Variants in YJU2B observed in about 807,000 individuals in gnomAD.
The protein encoded by YJU2B is probable splicing factor YJU2B.
In YJU2B, 18 loss-of-function variants were observed where a neutral mutation model predicts 38.0. The observed-to-expected ratio is 0.47, with a 90% CI of 0.33 to 0.70. YJU2B has a LOEUF of 0.70. Ranked by LOEUF, YJU2B falls within the 30% of genes least tolerant of loss-of-function variation. The pLI, the probability that YJU2B is intolerant of heterozygous loss-of-function variation, is 0.02. For missense variants in YJU2B, 538 were observed against 556.3 expected (o/e 0.97, Z 0.33); for synonymous variants, 246 against 225.4 (o/e 1.09, Z -0.82).
At chr19:13,756,828 T>C (rs1390238551) in intron 4 of YJU2B, among the ~76,000 whole-genome samples, 3 of 151,620 alleles carry the variant, frequency 2.0e-5, no homozygotes, top group African/African-American at 4.8e-5. Context: ...TAGAAAAAAT[T>C]AGGCTGGGTG....
intron 2 of YJU2B, among the ~76,000 whole-genome samples, chr19:13,742,694 T>C (rs1973126362): frequency 2.0e-5 from 3 of 152,194 alleles, no homozygotes; most frequent in Admixed American, 6.6e-5. Context: ...ACTTGCCCTG[T>C]GCATTAAGTA....
chr19:13,737,026 C>CAAAAAAAA (rs61619895), intron 2 of YJU2B, among the ~76,000 whole-genome samples: 2 of 118,000 alleles, frequency 1.7e-5, no homozygotes, highest in Non-Finnish European at 3.5e-5. Flanking sequence ...GACTCATTCT[C>CAAAAAAAA]AAAAAAAAAA....
rs781031617 is a variant in YJU2B at position 13,758,958 on chromosome 19, G to A, written c.348G>A (p.Gln116=). ...ACTACGTGATCGTGAGTGGCGCCCA[G>A]CGCAAGGAGGAGCGCTGGGACATGG... ...NCDYVIVSGA[Q]RKEERWDMAD... is the part of the protein sequence containing the mutation. The change falls in exon 7 of 10, where the codon CAG becomes CAA. Residue 116 remains glutamine (Q), a synonymous_variant. Transcript: ENST00000221554. 1 of 1,614,046 alleles carries A rather than the reference G, an allele frequency of 6.2e-7. No individual in the cohort carries two copies.
intron 2 of YJU2B, chr19:13,732,357 G>C (rs1158903520): frequency 6.6e-6 from 1 of 151,998 alleles, no homozygotes; most frequent in African/African-American, 2.4e-5. Context: ...TGGGGAGAAG[G>C]AATGAAGGCA....
chr19:13,759,893 G>A (rs1848478262), intron 8 of YJU2B, among the ~76,000 whole-genome samples: 1 of 151,154 alleles, frequency 6.6e-6, no homozygotes, highest in South Asian at 2.1e-4. Context: ...TGCCTCCCGG[G>A]TTCAAGTGAT....
intron 2 of YJU2B, among the ~76,000 whole-genome samples, chr19:13,740,662 G>C (rs573627506): frequency 6.6e-6 from 1 of 152,010 alleles, no homozygotes; most frequent in African/African-American, 2.4e-5. Flanking sequence ...TCAGCCTCCC[G>C]AATAGCTGGG....
At chr19:13,751,149 G>A (rs932105892) in intron 1 of YJU2B, among the ~76,000 whole-genome samples, 9 of 152,150 alleles carry the variant, frequency 5.9e-5, no homozygotes, top group African/African-American at 1.9e-4. Flanking sequence ...TGGGCATGGT[G>A]GCTCACACCT....
Position 13,761,810 on chromosome 19 carries a change from A to ACCTCCC in YJU2B, c.574-487_574-482dup, listed in dbSNP as rs1973900173. ...ACGATCTCAGCCCACCGCAACCTCC[A>ACCTCCC]CCTCCCCGGTTGAAGTGATTTTCAT... is the stretch of plus-strand genomic sequence containing the variant. On this transcript the variant is annotated intron_variant, in intron 8 of 9. Coordinates refer to ENST00000221554, the MANE Select transcript of YJU2B (RefSeq NM_030818.4). 6.1e-5 allele frequency among the ~76,000 whole-genome samples: 9 copies of ACCTCCC among 146,590 alleles called. No individual in the cohort carries two copies. In the South Asian group the frequency reaches 1.7e-3, roughly 28 times the overall value.
chr19:13,758,094 C>T (rs755808451), intron 6 of YJU2B, among the ~76,000 whole-genome samples: 14 of 152,186 alleles, frequency 9.2e-5, no homozygotes, highest in Non-Finnish European at 1.8e-4. Context: ...TCACCCTAAC[C>T]TCCTCCTGCT....
rs1304991350 is a variant in YJU2B at position 13,752,743 on chromosome 19, T to C, written c.3+932T>C. Among the ~76,000 whole-genome samples, 3 of 150,978 alleles carry C rather than the reference T, an allele frequency of 2.0e-5. No homozygotes were observed. In the East Asian group the frequency reaches 5.8e-4, roughly 29 times the overall value. On this transcript the variant is annotated intron_variant, in intron 2 of 9. Transcript: ENST00000221554. The stretch of plus-strand genomic sequence containing the variant: ...TGGGCAACGAAAGCGAAACTCCATC[T>C]CAAAAAAAAAAATACAAAAATTAGT...
chr19:13,746,123 GC>G (rs1973243712), upstream of YJU2B, among the ~76,000 whole-genome samples: 1 of 151,976 alleles, frequency 6.6e-6, no homozygotes, highest in African/African-American at 2.4e-5. Flanking sequence ...ATGGTGGCGG[GC>G]ACCTGTAGTC....
rs1457765050 is a variant in YJU2B, at chr19:13,741,170, T to C, written c.-202+8885T>C. Among the ~76,000 whole-genome samples, 116 of 149,770 alleles carry C rather than the reference T, an allele frequency of 7.7e-4. 1 individual carries two copies. The highest frequency in any genetic ancestry group is 2.8e-3 in the African/African-American group (114 of 40,570). The stretch of plus-strand genomic sequence containing the variant: ...AGATTTCTTTTTTTTTTTTTTTTTT[T>C]TGAGACGGAGTTTCGCTCTTGTTGC... On this transcript the variant is annotated intron_variant, in intron 2 of 10. Transcript: ENST00000586600.
At chr19:13,756,421 C>T (rs995333434) in intron 4 of YJU2B, 142 bp downstream of exon 4, 55 of 673,624 alleles carry the variant, frequency 8.2e-5, no homozygotes, top group Non-Finnish European at 1.1e-4. Flanking sequence ...CAGTTATTGC[C>T]GTGTGACAAA....
rs71170557 is a variant in YJU2B at position 13,749,632 on chromosome 19, CT to C, written c.-202+1696del. On this transcript the variant is annotated intron_variant, in intron 1 of 9. Transcript: ENST00000221554. ...CTTTAGTGTAAACTAGAACTTCTTTCTTTTTTTTTTTTTTTTTTGAGATGGA... is the reference window on the plus strand; with the variant it reads ...CTTTAGTGTAAACTAGAACTTCTTTCTTTTTTTTTTTTTTTTTGAGATGGA... Among the ~76,000 whole-genome samples, 1,300 of 130,274 alleles carry C rather than the reference CT, an allele frequency of 1.0e-2. 8 individuals carry two copies. The highest frequency in any genetic ancestry group is 0.029 in the African/African-American group (1,017 of 35,088). 85.5% of individuals were successfully genotyped at this position (130,274 alleles called of 152,430 possible). A position where few individuals can be genotyped will look rare whatever the true frequency, so the allele number is the denominator to read the frequency against.
At chr19:13,747,117 G>A (rs541701663), upstream of YJU2B, among the ~76,000 whole-genome samples, 1 of 152,144 alleles carries the variant, frequency 6.6e-6, no homozygotes, top group Non-Finnish European at 1.5e-5. Flanking sequence ...CTCTTCCCTA[G>A]TTAATAAGAT....
intron 2 of YJU2B, among the ~76,000 whole-genome samples, chr19:13,736,694 A>T (rs1972956700): frequency 6.6e-6 from 1 of 152,126 alleles, no homozygotes; most frequent in Admixed American, 6.6e-5. Flanking sequence ...GCAGTGATAA[A>T]CAAAATAGGC....
chr19:13,760,647 A>G (rs1013172200), intron 8 of YJU2B, among the ~76,000 whole-genome samples: 1 of 151,634 alleles, frequency 6.6e-6, no homozygotes, highest in East Asian at 1.9e-4. Flanking sequence ...AGGCTGGAGT[A>G]CAGCGGCAAA....
rs1336625073 is a variant in YJU2B at position 13,751,651 on chromosome 19, G to C, written c.-158G>C. The C allele has an allele frequency of 4.2e-6, 3 of 711,748 alleles. No individual in the cohort carries two copies. The highest frequency in any genetic ancestry group is 7.4e-6 in the Non-Finnish European group (3 of 407,454). 44.1% of individuals were successfully genotyped at this position (711,748 alleles called of 1,614,324 possible). A position where few individuals can be genotyped will look rare whatever the true frequency, so the allele number is the denominator to read the frequency against. Reference sequence around the variant, plus strand: ...GCCTCCTATGCCTGGCGGGAGTCTTGTCTGAGCTGGCACCACCACACGGCC... The same window carrying C: ...GCCTCCTATGCCTGGCGGGAGTCTTCTCTGAGCTGGCACCACCACACGGCC... On this transcript the variant is annotated 5_prime_UTR_variant, in exon 2 of 10. Transcript: ENST00000221554.
At chr19:13,750,857 CAAAAAAAAAAAA>C (rs908775840) in intron 1 of YJU2B, among the ~76,000 whole-genome samples, 4 of 62,030 alleles carry the variant, frequency 6.4e-5, no homozygotes, top group Admixed American at 1.8e-4. Flanking sequence ...GACTCCGTCT[CAAAAAAAAAAAA>C]AAAAAAAAAA....
Sources: allele counts gnomAD v4.1 joint callset (sites outside exome capture counted in the v4.1 genomes callset), GRCh38; gene constraint gnomAD v4.1.1; transcripts MANE v1.5; gene names NCBI Gene and HGNC (gene_info 2026-07-23, HGNC 2026-07-21).